The following ZDHHC6 variants were observed in gnomAD, a reference collection of about 807,000 sequenced individuals.
The protein encoded by ZDHHC6 is zDHHC palmitoyltransferase 6.
ZDHHC6 carries 32 observed loss-of-function variants against 57.8 expected under a neutral mutation model. That is an observed-to-expected ratio of 0.55 (90% CI 0.42 to 0.74). The LOEUF is 0.74. Among genes scored for constraint, ZDHHC6 ranks in the 30% least tolerant of loss-of-function variants. The pLI, the probability that ZDHHC6 is intolerant of heterozygous loss-of-function variation, is 0.00. For synonymous variants in ZDHHC6, 128 were observed against 158.0 expected, an observed-to-expected ratio of 0.81 and a Z score of 1.42; for missense variants, 433 against 500.7, an observed-to-expected ratio of 0.86 and a Z score of 1.29.
intron 5 of ZDHHC6, among the ~76,000 whole-genome samples, chr10:112,438,840 C>T (rs1288147167): frequency 6.6e-6 from 1 of 151,986 alleles, no homozygotes; most frequent in Non-Finnish European, 1.5e-5. Context: ...ATTTCACTTG[C>T]CTTAAAAATA....
chr10:112,431,160 A>G (rs916552998), intron 10 of ZDHHC6, among the ~76,000 whole-genome samples: 1 of 152,208 alleles, frequency 6.6e-6, no homozygotes, highest in Non-Finnish European at 1.5e-5. Flanking sequence ...ACAGCTCCTA[A>G]CTAGAGTCAG....
chr10:112,443,694 TA>T, intron 2 of ZDHHC6, 88 bp from the exon 3 acceptor site: 1 of 986,732 alleles, frequency 1.0e-6, no homozygotes, highest in Non-Finnish European at 1.6e-6. Context: ...TTATGGGCGA[TA>T]GGGGAAGGAG....
chr10:112,430,702 G>T lies in ZDHHC6; in HGVS notation c.*102C>A. 1.0e-6 allele frequency: 1 copy of T among 984,928 alleles called. No homozygotes were observed. The highest frequency in any genetic ancestry group is 1.4e-6 in the Non-Finnish European group (1 of 690,992). 61.0% of individuals were successfully genotyped at this position (984,928 alleles called of 1,614,324 possible). ...GGCACTAGGGCACCTTTGAGGAAAAGAACATCTTAACCAGAGTAGGCTCAT... is the reference window on the plus strand; with the variant it reads ...GGCACTAGGGCACCTTTGAGGAAAATAACATCTTAACCAGAGTAGGCTCAT... On this transcript the variant is annotated 3_prime_UTR_variant, in exon 11 of 11. Coordinates refer to ENST00000369405, the MANE Select transcript of ZDHHC6 (RefSeq NM_022494.3).
Position 112,434,428 on chromosome 10 carries a change from C to G in ZDHHC6, c.772G>C (p.Val258Leu). ...CCCATATCATATGGAAAAACAAAGA[C>G]TTCATCTAGTTGATAATACTGAATT... ...DRIQYYQLDE[V>L]FVFPYDMGSR... is the part of the protein sequence containing the mutation. Residue 258 changes from valine (V) to leucine (L), a missense_variant, in exon 7 of 11, where the codon GTC becomes CTC. By Grantham distance (32) the Val-to-Leu change is conservative. Coordinates refer to ENST00000369405, the MANE Select transcript of ZDHHC6 (RefSeq NM_022494.3). 1 of 1,613,800 alleles carries G rather than the reference C, an allele frequency of 6.2e-7. No individual in the cohort carries two copies. Among genetic ancestry groups the G allele is most frequent in the Admixed American group, 1.7e-5 (1 of 60,000 alleles).
chr10:112,441,328 C>T (rs1429103188), intron 4 of ZDHHC6, among the ~76,000 whole-genome samples: 1 of 152,194 alleles, frequency 6.6e-6, no homozygotes, highest in Non-Finnish European at 1.5e-5. Flanking sequence ...CTTTTCTCTT[C>T]TCTTGCTATT....
chr10:112,438,872 T>A (rs1359815256), intron 5 of ZDHHC6, among the ~76,000 whole-genome samples: 4 of 152,222 alleles, frequency 2.6e-5, no homozygotes, highest in African/African-American at 9.6e-5. Flanking sequence ...CAGTCTTTAT[T>A]CTATTATTTG....
At chr10:112,425,310 TA>T, downstream of ZDHHC6, 3 of 1,584,516 alleles carry the variant, frequency 1.9e-6, no homozygotes, top group Non-Finnish European at 2.6e-6. Context: ...GGCTCAAAAA[TA>T]CTGATACTTT....
downstream of ZDHHC6, chr10:112,430,251 A>G (rs930879397): frequency 6.6e-6 from 1 of 152,330 alleles, no homozygotes; most frequent in Admixed American, 6.5e-5. Flanking sequence ...AGGAACTAAG[A>G]TGAACCTTTT....
chr10:112,438,318 A>G lies in ZDHHC6; in HGVS notation c.735+18T>C, dbSNP rs1845746267. On this transcript the variant is annotated intron_variant, in intron 6 of 10. Transcript: ENST00000369405. ...AATATACTTTTTTAATATTGAAGAA[A>G]CAATTATTAAAATTTACCTTCTCTT... 2 of 1,290,530 alleles carry G rather than the reference A, an allele frequency of 1.5e-6. No individual in the cohort carries two copies. The highest frequency in any genetic ancestry group is 2.9e-5 in the East Asian group (1 of 34,032). The allele number at this position is 1,290,530 out of a possible 1,614,324, so 79.9% of individuals were successfully genotyped here.
In ZDHHC6 at chr10:112,445,501, T is replaced by C. The variant is rs774244471; in HGVS notation, c.-65A>G. ...TAGATTTCCTTTTTCTGTGCGCACA[T>C]TTCCATGTGCCACAAGTCCATGTGT... On this transcript the variant is annotated 5_prime_UTR_variant, in exon 2 of 11. The change abolishes an upstream ATG in the 5' untranslated region. Coordinates refer to ENST00000369405, the MANE Select transcript of ZDHHC6 (RefSeq NM_022494.3). The C allele has an allele frequency of 1.9e-6, 3 of 1,539,166 alleles. No homozygotes were observed. Among genetic ancestry groups the C allele is most frequent in the Non-Finnish European group, 2.6e-6 (3 of 1,134,028 alleles).
At chr10:112,447,531 C>G (rs999327791), upstream of ZDHHC6, 18 of 1,562,288 alleles carry the variant, frequency 1.2e-5, no homozygotes, top group Non-Finnish European at 1.6e-5. Context: ...GGCGGTGGAA[C>G]GCCGCCCGAG....
At chr10:112,429,869 G>C (rs1844878080), downstream of ZDHHC6, among the ~76,000 whole-genome samples, 1 of 151,242 alleles carries the variant, frequency 6.6e-6, no homozygotes, top group Non-Finnish European at 1.5e-5. Context: ...ACCACTCAGA[G>C]CTCACGTACA....
chr10:112,447,043 AGGGGGG>A, upstream of ZDHHC6: 1 of 307,800 alleles, frequency 3.2e-6, no homozygotes, highest in African/African-American at 2.0e-5. Flanking sequence ...CAGAACACGA[AGGGGGG>A]AAAAAACGCT....
In ZDHHC6 at chr10:112,433,355, C is replaced by T; in HGVS notation, c.904-74G>A. The stretch of plus-strand genomic sequence containing the variant: ...TTGAAAAATCGCCTTTCCTCATCAA[C>T]TGTCAGAGTGATATGGCAAAACCCC... On this transcript the variant is annotated intron_variant, in intron 7 of 10. Coordinates refer to ENST00000369405, the MANE Select transcript of ZDHHC6 (RefSeq NM_022494.3). 3 of 1,252,366 alleles carry T rather than the reference C, an allele frequency of 2.4e-6. No individual in the cohort carries two copies. The South Asian group carries it at 4.9e-5, about 20-fold the overall frequency. 77.6% of individuals were successfully genotyped at this position (1,252,366 alleles called of 1,614,324 possible). A position where few individuals can be genotyped will look rare whatever the true frequency, so the allele number is the denominator to read the frequency against.
In ZDHHC6 at chr10:112,432,129, T is replaced by G. The variant is rs1845098420; in HGVS notation, c.1138+111A>C. 1.3e-5 allele frequency: 13 copies of G among 1,012,542 alleles called. No homozygotes were observed. The South Asian group carries it at 2.2e-4, about 17-fold the overall frequency. The allele number at this position is 1,012,542 out of a possible 1,614,324, so 62.7% of individuals were successfully genotyped here. A position where few individuals can be genotyped will look rare whatever the true frequency, so the allele number is the denominator to read the frequency against. On this transcript the variant is annotated intron_variant, in intron 10 of 10. Coordinates refer to ENST00000369405, the MANE Select transcript of ZDHHC6 (RefSeq NM_022494.3). ...TGTTGCTTAGTGATATACCCTTCTATGCAGTTCCCCTAATGCATTAGGCAT... is the reference window on the plus strand; with the variant it reads ...TGTTGCTTAGTGATATACCCTTCTAGGCAGTTCCCCTAATGCATTAGGCAT...
downstream of ZDHHC6, chr10:112,425,729 T>C: frequency 2.8e-6 from 1 of 357,146 alleles, no homozygotes; most frequent in Non-Finnish European, 5.0e-6. Context: ...TAAAAGGTAA[T>C]GATTCAGTAA....
Position 112,445,296 on chromosome 10 carries a change from C to T in ZDHHC6, c.141G>A (p.Trp47Ter), listed in dbSNP as rs1846550293. The change falls in exon 2 of 11, where the codon TGG (tryptophan) becomes TGA (stop). Residue 47 changes from tryptophan to a stop codon, truncating the protein, a stop_gained. Coordinates refer to ENST00000369405, the MANE Select transcript of ZDHHC6 (RefSeq NM_022494.3). LOFTEE classifies it high-confidence loss of function. ...MAMIDSVLWY[W>*]PLHTTGGSVN... ...CACTTCCTCCAGTTGTATGTAAGGG[C>T]CAATACCACAACACAGAGTCAATCA... is the stretch of plus-strand genomic sequence containing the variant. 6.2e-7 allele frequency: 1 copy of T among 1,614,114 alleles called. No individual in the cohort carries two copies.
chr10:112,443,456 A>C (rs1589753914), intron 3 of ZDHHC6, 59 bp downstream of exon 3: 2 of 1,441,564 alleles, frequency 1.4e-6, no homozygotes, highest in East Asian at 4.6e-5. Context: ...TATAAGCAAC[A>C]ATGAAAACAT....
chr10:112,445,982 C>T (rs1347449907), intron 1 of ZDHHC6, among the ~76,000 whole-genome samples: 1 of 152,182 alleles, frequency 6.6e-6, no homozygotes, highest in African/African-American at 2.4e-5. Flanking sequence ...TGATCTAATT[C>T]AGTTTCCTTC....
Sources: allele counts gnomAD v4.1 joint callset (sites outside exome capture counted in the v4.1 genomes callset), GRCh38; gene constraint gnomAD v4.1.1; transcripts MANE v1.5; gene names NCBI Gene and HGNC (gene_info 2026-07-23, HGNC 2026-07-21).